The following ASH1L variants were observed in gnomAD, a reference collection of about 807,000 sequenced individuals.
The protein encoded by ASH1L is histone-lysine N-methyltransferase ASH1L.
Under a neutral mutation model 269.0 loss-of-function variants are expected in ASH1L, and 23 were observed. That is an observed-to-expected ratio of 0.09 (90% confidence interval 0.06 to 0.12). The LOEUF is 0.12. ASH1L is among the 10% of genes least tolerant of loss of function. ASH1L has a pLI of 1.00. For synonymous variants in ASH1L, 1,187 were observed against 1,253.5 expected (o/e 0.95, Z 1.12); for missense variants, 2,912 against 3,567.8 (o/e 0.82, Z 4.68).
intron 10 of ASH1L, among the ~76,000 whole-genome samples, chr1:155,372,521 C>G (rs770275827): frequency 6.6e-6 from 1 of 151,982 alleles, no homozygotes; most frequent in Non-Finnish European, 1.5e-5. Context: ...GTTGGCCAGG[C>G]TGGTCTCGAA....
chr1:155,509,979 C>T (rs1668062833), intron 2 of ASH1L, among the ~76,000 whole-genome samples: 2 of 151,926 alleles, frequency 1.3e-5, no homozygotes, highest in Admixed American at 6.6e-5. Flanking sequence ...TTATAAACTT[C>T]GAAGGAAGAA....
chr1:155,450,382 CT>C, intron 4 of ASH1L, among the ~76,000 whole-genome samples: 1 of 152,316 alleles, frequency 6.6e-6, no homozygotes, highest in South Asian at 2.1e-4. Context: ...ATTTCTTCAA[CT>C]GCTATTCCCA....
intron 6 of ASH1L, among the ~76,000 whole-genome samples, chr1:155,407,193 A>G (rs1659368623): frequency 1.3e-5 from 2 of 152,142 alleles, no homozygotes; most frequent in Non-Finnish European, 2.9e-5. Flanking sequence ...ACTGCACTCC[A>G]GCCTGGGAGA....
intron 7 of ASH1L, among the ~76,000 whole-genome samples, chr1:155,385,958 A>G (rs1439018369): frequency 6.6e-6 from 1 of 152,108 alleles, no homozygotes; most frequent in Non-Finnish European, 1.5e-5. Context: ...GGTGTTGGTA[A>G]AAGTCTGACT....
At chr1:155,525,186 G>A (rs998354209) in intron 1 of ASH1L, among the ~76,000 whole-genome samples, 2 of 152,068 alleles carry the variant, frequency 1.3e-5, no homozygotes, top group African/African-American at 4.8e-5. Flanking sequence ...AATCGAGGCT[G>A]CAGTGAGCCA....
chr1:155,533,286 A>T (rs1669813343), intron 1 of ASH1L, among the ~76,000 whole-genome samples: 1 of 152,052 alleles, frequency 6.6e-6, no homozygotes, highest in Non-Finnish European at 1.5e-5. Context: ...ATCTCATTTA[A>T]GGCTCACAAT....
chr1:155,535,375 G>A (rs913329517), intron 1 of ASH1L, among the ~76,000 whole-genome samples: 3 of 152,102 alleles, frequency 2.0e-5, no homozygotes, highest in Non-Finnish European at 4.4e-5. Flanking sequence ...CAGGGGGCAA[G>A]CCACCATGCC....
At chr1:155,388,967 C>T (rs189670184) in intron 7 of ASH1L, among the ~76,000 whole-genome samples, 2 of 152,016 alleles carry the variant, frequency 1.3e-5, no homozygotes, top group Admixed American at 1.3e-4. Context: ...CCTCGGCCTC[C>T]CAAAGTGCTG....
intron 1 of ASH1L, among the ~76,000 whole-genome samples, chr1:155,556,813 C>A (rs1488125306): frequency 6.6e-6 from 1 of 151,996 alleles, no homozygotes; most frequent in African/African-American, 2.4e-5. Context: ...ATTTGGGAGT[C>A]TGAAGAGGGA....
At chr1:155,370,449 G>T in intron 12 of ASH1L, 55 bp downstream of exon 12, 5 of 1,604,958 alleles carry the variant, frequency 3.1e-6, no homozygotes, top group Non-Finnish European at 4.3e-6. Context: ...ATCCCTTGCT[G>T]CACTCAATGC....
At position 155,338,190 on chromosome 1, in the gene ASH1L, T is replaced by C; in HGVS notation, c.8702A>G (p.Glu2901Gly). 6.2e-7 allele frequency: 1 copy of C among 1,614,122 alleles called. No homozygotes were observed. Among genetic ancestry groups the C allele is most frequent in the South Asian group, 1.1e-5 (1 of 91,080 alleles). Residue 2901 changes from glutamate to glycine, a missense_variant, in exon 27 of 28, where the codon GAA (glutamate) becomes GGA (glycine). Physicochemically the swap from Glu to Gly is moderately conservative, Grantham distance 98. This residue lies in a region of ASH1L where 154 missense variants were observed against 165.0 expected (regional missense o/e 0.93). Transcript: ENST00000392403. ...GEKKTEESSQ[E>G]PQSTCTPEER... is the part of the protein sequence containing the mutation. ...CTCAGGGGTACAGGTTGACTGGGGT[T>C]CTTGACTACTTTCCTCTGTTTTTTT...
At chr1:155,546,651 G>A (rs1558213395) in intron 1 of ASH1L, among the ~76,000 whole-genome samples, 4 of 151,644 alleles carry the variant, frequency 2.6e-5, no homozygotes, top group South Asian at 2.1e-4. Context: ...CCAGCTACTC[G>A]GGAGGCTGAG....
intron 1 of ASH1L, among the ~76,000 whole-genome samples, chr1:155,543,869 G>T (rs1384037486): frequency 2.0e-5 from 3 of 152,092 alleles, no homozygotes; most frequent in Non-Finnish European, 4.4e-5. Context: ...GGGAGGTTGA[G>T]GCTGAGGCTG....
intron 2 of ASH1L, among the ~76,000 whole-genome samples, chr1:155,500,512 G>A (rs113338747): frequency 2.0e-4 from 30 of 152,080 alleles, no homozygotes; most frequent in African/African-American, 6.0e-4. Context: ...AAGTGAAAAC[G>A]CAGCAGTCAA....
chr1:155,412,295 G>C (rs1285952732), intron 6 of ASH1L, among the ~76,000 whole-genome samples: 1 of 151,736 alleles, frequency 6.6e-6, no homozygotes, highest in African/African-American at 2.4e-5. Flanking sequence ...TGTAATCCCA[G>C]CTACTCTGGA....
In ASH1L at chr1:155,357,482, AC is replaced by A; in HGVS notation, c.6961-73del. 3 of 1,592,712 alleles carry A rather than the reference AC, an allele frequency of 1.9e-6. No individual in the cohort carries two copies. In the South Asian group the frequency reaches 3.3e-5, roughly 18 times the overall value. On this transcript the variant is annotated intron_variant, in intron 14 of 27. Coordinates refer to ENST00000392403, the MANE Select transcript of ASH1L (RefSeq NM_018489.3). ...AGAAATAATCTCCAAGAATATTAAA[AC>A]CACTCTTAAGATGCCACCCTCTGGT...
intron 1 of ASH1L, among the ~76,000 whole-genome samples, chr1:155,551,639 G>A (rs1187296925): frequency 2.3e-5 from 3 of 130,630 alleles, no homozygotes; most frequent in South Asian, 2.4e-4. Flanking sequence ...CAGCCTGGGC[G>A]ACAGAGCGAG....
At chr1:155,347,505 T>C (rs1044903005) in intron 20 of ASH1L, 151 bp downstream of exon 20, 3 of 903,892 alleles carry the variant, frequency 3.3e-6, no homozygotes, top group East Asian at 2.4e-5. Context: ...AAAGGCAATA[T>C]AGTAAACACA....
intron 8 of ASH1L, among the ~76,000 whole-genome samples, chr1:155,379,377 A>C (rs1048997105): frequency 2.6e-5 from 4 of 152,184 alleles, no homozygotes. Context: ...TTCCAAAATA[A>C]ACCTTTGGTG....
Sources: gnomAD v4.1 joint callset for allele counts (sites outside exome capture counted in the v4.1 genomes callset) on GRCh38, gnomAD v4.1.1 for gene constraint, gnomAD v4.1.1 regional missense constraint, MANE v1.5 for transcripts, NCBI Gene and HGNC (gene_info 2026-07-23, HGNC 2026-07-21) for gene names.